LZIC: variants seen among roughly 807,000 people sequenced by gnomAD.
LZIC encodes the protein leucine zipper and CTNNBIP1 domain containing, also known as protein LZIC.
LZIC carries 28 observed loss-of-function variants against 25.4 expected under a neutral mutation model. That is an observed-to-expected ratio of 1.10 (90% CI 0.82 to 1.51). The LOEUF is 1.51. Ranked by LOEUF, LZIC falls within the 40% of genes most tolerant of loss-of-function variation. LZIC has a pLI of 0.00. For missense variants in LZIC, 170 were observed against 211.1 expected, an observed-to-expected ratio of 0.81 and a Z score of 1.21; for synonymous variants, 65 against 70.7, an observed-to-expected ratio of 0.92 and a Z score of 0.40.
intron 7 of LZIC, among the ~76,000 whole-genome samples, 195 bp from the exon 8 acceptor site, chr1:9,930,652 A>C (rs1369898436): frequency 1.3e-5 from 2 of 151,518 alleles, no homozygotes; most frequent in Admixed American, 6.6e-5. Flanking sequence ...TCCAGCTACA[A>C]AGGGGGACTT....
rs574989149 is a variant in LZIC at position 9,940,474 on chromosome 1, C to T, written c.-9+2150G>A. ...GATTACAGGCGTGAGCCACTGCACC[C>T]GGCCTAGTTTTTGTATATTTTTTTT... is the stretch of plus-strand genomic sequence containing the variant. On this transcript the variant is annotated intron_variant, in intron 2 of 7. Coordinates refer to ENST00000377223, the MANE Select transcript of LZIC (RefSeq NM_032368.5). 1.1e-4 allele frequency among the ~76,000 whole-genome samples: 16 copies of T among 152,056 alleles called. No homozygotes were observed. In the South Asian group the frequency reaches 1.7e-3, roughly 16 times the overall value.
At position 9,930,580 on chromosome 1, in the gene LZIC, C is replaced by T. The variant is rs997997532; in HGVS notation, c.515-123G>A. 24 of 1,387,998 alleles carry T rather than the reference C, an allele frequency of 1.7e-5. No homozygotes were observed. The African/African-American group carries it at 3.1e-4, about 18-fold the overall frequency. 86.0% of individuals were successfully genotyped at this position (1,387,998 alleles called of 1,614,324 possible). A position where few individuals can be genotyped will look rare whatever the true frequency, so the allele number is the denominator to read the frequency against. On this transcript the variant is annotated intron_variant, in intron 7 of 7. Transcript: ENST00000377223. Reference sequence around the variant, plus strand: ...AGAAAATATAATTAGCCTCCATTATCAGTGTATTAACCCCTACACGTTCCC... The same window carrying T: ...AGAAAATATAATTAGCCTCCATTATTAGTGTATTAACCCCTACACGTTCCC...
At chr1:9,939,006 A>G (rs1054351007) in intron 2 of LZIC, among the ~76,000 whole-genome samples, 4 of 152,238 alleles carry the variant, frequency 2.6e-5, no homozygotes, top group Non-Finnish European at 5.9e-5. Flanking sequence ...ATATTGATTA[A>G]TAAATAAAAG....
chr1:9,938,460 T>G (rs1640554057), intron 2 of LZIC, among the ~76,000 whole-genome samples: 1 of 152,232 alleles, frequency 6.6e-6, no homozygotes, highest in Non-Finnish European at 1.5e-5. Flanking sequence ...CAAGCCCAGC[T>G]GATGAACATC....
At chr1:9,934,631 A>G in intron 5 of LZIC, 131 bp downstream of exon 5, 1 of 743,984 alleles carries the variant, frequency 1.3e-6, no homozygotes, top group South Asian at 1.6e-5. Context: ...TCAAAGTACT[A>G]ATTTTGTCAG....
intron 1 of LZIC, chr1:9,943,035 G>C: frequency 3.3e-6 from 1 of 306,978 alleles, no homozygotes; most frequent in Admixed American, 3.9e-5. Flanking sequence ...GGTAAGGGCG[G>C]AGAGCACGCC....
rs1315678961 is a variant in LZIC, at chr1:9,932,872, C to T, written c.363G>A (p.Lys121=). Residue 121 remains lysine (K), a synonymous_variant, in exon 6 of 8, where the codon AAG becomes AAA. Transcript: ENST00000377223. ...AEMDRDLMVG[K]LERDLYTQQK... ...GTTGAGTGTACAGGTCTCTTTCCAG[C>T]TTTCCTACCATCAGATCTCTATCCA... The T allele has an allele frequency of 2.5e-6, 4 of 1,612,486 alleles. No homozygotes were observed. The highest frequency in any genetic ancestry group is 2.5e-6 in the Non-Finnish European group (3 of 1,178,726).
chr1:9,934,923 T>G (rs1246106574), intron 4 of LZIC, 63 bp from the exon 5 acceptor site: 5 of 1,164,396 alleles, frequency 4.3e-6, no homozygotes, highest in Non-Finnish European at 6.4e-6. Context: ...TTGCAATAAC[T>G]GATTGACGGA....
At chr1:9,943,007 AC>A in intron 1 of LZIC, 1 of 332,602 alleles carries the variant, frequency 3.0e-6, no homozygotes, top group South Asian at 2.4e-5. Context: ...ATGGCGTCAA[AC>A]CCAGAGGCTT....
At chr1:9,940,323 C>T (rs1395908373) in intron 2 of LZIC, among the ~76,000 whole-genome samples, 1 of 152,104 alleles carries the variant, frequency 6.6e-6, no homozygotes, top group South Asian at 2.1e-4. Flanking sequence ...ACTATAGGCA[C>T]CCGCCACCAC....
Position 9,935,642 on chromosome 1 carries a change from CA to C in LZIC, c.102-16del, listed in dbSNP as rs571964626. 4.3e-5 allele frequency: 68 copies of C among 1,582,756 alleles called. No homozygotes were observed. In the East Asian group the frequency reaches 1.5e-3, roughly 35 times the overall value. On this transcript the variant is annotated splice_polypyrimidine_tract_variant and intron_variant, in intron 3 of 7. Coordinates refer to ENST00000377223, the MANE Select transcript of LZIC (RefSeq NM_032368.5). ...CAAGTTCCTCTCTGAAATAGGTGAA[CA>C]TCATGATATGGAAAAATGAAGAGTT...
chr1:9,930,712 A>T (rs753415215), intron 7 of LZIC, among the ~76,000 whole-genome samples: 33 of 151,222 alleles, frequency 2.2e-4, no homozygotes, highest in Middle Eastern at 3.4e-3. Context: ...TGTAAAATTT[A>T]ATTTATTTAT....
chr1:9,941,913 C>A (rs545958179), intron 2 of LZIC, among the ~76,000 whole-genome samples: 1 of 151,672 alleles, frequency 6.6e-6, no homozygotes, highest in African/African-American at 2.4e-5. Context: ...GCATTCAAAT[C>A]TTTTTTTTTA....
In LZIC at chr1:9,929,168, A is replaced by C. The variant is rs749676318; in HGVS notation, c.*1231T>G. 1.2e-5 allele frequency: 4 copies of C among 341,484 alleles called. No individual in the cohort carries two copies. Among genetic ancestry groups the C allele is most frequent in the Non-Finnish European group, 1.7e-5 (4 of 241,258 alleles). 21.2% of individuals were successfully genotyped at this position (341,484 alleles called of 1,614,324 possible). The stretch of plus-strand genomic sequence containing the variant: ...CGAATGGTACACTTTAAAATGGTGA[A>C]TTTTATGATATATGAATTTCACCTC... On this transcript the variant is annotated 3_prime_UTR_variant, in exon 8 of 8. Transcript: ENST00000377223.
chr1:9,942,504 G>A, intron 2 of LZIC, 120 bp downstream of exon 2: 1 of 338,840 alleles, frequency 3.0e-6, no homozygotes, highest in Non-Finnish European at 5.6e-6. Context: ...ATCCCCGAAA[G>A]ATTAACTCGT....
downstream of LZIC, among the ~76,000 whole-genome samples, chr1:9,923,517 T>G (rs945569289): frequency 2.0e-5 from 2 of 99,972 alleles, no homozygotes; most frequent in African/African-American, 3.2e-5. Context: ...GCCCAATGCT[T>G]CTTTTTTTTT....
intron 2 of LZIC, among the ~76,000 whole-genome samples, chr1:9,941,236 C>A (rs916563888): frequency 2.0e-5 from 3 of 152,004 alleles, no homozygotes; most frequent in African/African-American, 7.3e-5. Context: ...CTCACGGTCA[C>A]CCAGGTGGAG....
Position 9,928,866 on chromosome 1 carries a change from CAAA to C in LZIC, c.*1530_*1532del, listed in dbSNP as rs34148395. 28 of 112,712 alleles carry C rather than the reference CAAA, an allele frequency of 2.5e-4. No individual in the cohort carries two copies. Among genetic ancestry groups the C allele is most frequent in the Non-Finnish European group, 3.0e-4 (16 of 54,098 alleles). 7.0% of individuals were successfully genotyped at this position (112,712 alleles called of 1,614,324 possible). A position where few individuals can be genotyped will look rare whatever the true frequency, so the allele number is the denominator to read the frequency against. ...GGGCAATAAGAGTAAAACTCTGTCT[CAAA>C]AAAAAAAAAAAAAAGAAAAGAAAAT... On this transcript the variant is annotated 3_prime_UTR_variant, in exon 8 of 8. Transcript: ENST00000377223.
chr1:9,942,930 G>C (rs1006847802), intron 1 of LZIC, 148 bp from the exon 2 acceptor site: 10 of 354,218 alleles, frequency 2.8e-5, no homozygotes, highest in Non-Finnish European at 3.9e-5. Flanking sequence ...CAGCCTTTCT[G>C]AGTTTCTTCC....
Sources: allele counts gnomAD v4.1 joint callset (sites outside exome capture counted in the v4.1 genomes callset), GRCh38; gene constraint gnomAD v4.1.1; transcripts MANE v1.5; gene names NCBI Gene and HGNC (gene_info 2026-07-23, HGNC 2026-07-21).